The following NAT9 variants were observed in gnomAD, a reference collection of about 807,000 sequenced individuals.
The protein encoded by NAT9 is N-acetyltransferase 9, also known as alpha/beta-tubulin-N-acetyltransferase 9.
A neutral mutation model predicts 24.0 loss-of-function variants in NAT9; 18 were observed. That is an observed-to-expected ratio of 0.75 (90% CI 0.52 to 1.11). The LOEUF (loss-of-function observed/expected upper bound fraction) is 1.11. Among genes scored for constraint, NAT9 ranks in the 50% most tolerant of loss-of-function variants. NAT9 has a pLI of 0.00. For synonymous variants in NAT9, 104 were observed against 102.3 expected, an observed-to-expected ratio of 1.02 and a Z score of -0.10; for missense variants, 254 against 258.6, an observed-to-expected ratio of 0.98 and a Z score of 0.12.
rs2035207131 is a variant in NAT9, at chr17:74,771,592, G to C, written c.*132C>G. The stretch of plus-strand genomic sequence containing the variant: ...AGGGAGGCCACAGCAAGCCCCGCCA[G>C]AGTCTGAAGGGCCTCGAAAGGTGAT... On this transcript the variant is annotated 3_prime_UTR_variant, in exon 7 of 7. Transcript: ENST00000357814. 4.3e-6 allele frequency: 6 copies of C among 1,390,940 alleles called. No individual in the cohort carries two copies. The highest frequency in any genetic ancestry group is 2.9e-5 in the African/African-American group (2 of 69,698). 86.2% of individuals were successfully genotyped at this position (1,390,940 alleles called of 1,614,324 possible). A position where few individuals can be genotyped will look rare whatever the true frequency, so the allele number is the denominator to read the frequency against.
chr17:74,775,808 C>A, intron 1 of NAT9, 101 bp from the exon 2 acceptor site: 1 of 857,376 alleles, frequency 1.2e-6, no homozygotes, highest in South Asian at 1.5e-5. Flanking sequence ...TGACTTCCGT[C>A]ATTAGTTCCG....
chr17:74,774,901 G>A (rs544961056), intron 2 of NAT9, among the ~76,000 whole-genome samples: 7 of 151,082 alleles, frequency 4.6e-5, no homozygotes, highest in African/African-American at 1.5e-4. Flanking sequence ...TGTTGCCCAG[G>A]CTGGAGTACA....
rs559607717 is a variant in NAT9 at position 74,770,588 on chromosome 17, G to C, written c.*1136C>G. On this transcript the variant is annotated 3_prime_UTR_variant, in exon 7 of 7. Transcript: ENST00000357814. ...TGTTTTATACTGAGGCATGTTTTCG[G>C]TTCCAGTTGTTCACATGCAGTCTGC... 8.5e-5 allele frequency: 13 copies of C among 152,344 alleles called. No individual in the cohort carries two copies. The highest frequency in any genetic ancestry group is 5.9e-4 in the Admixed American group (9 of 15,302). The allele number at this position is 152,344 out of a possible 1,614,324, so 9.4% of individuals were successfully genotyped here.
chr17:74,773,338 C>T (rs1279147911), intron 3 of NAT9: 4 of 592,476 alleles, frequency 6.8e-6, no homozygotes, highest in Non-Finnish European at 1.2e-5. Flanking sequence ...GCCAGAGCCC[C>T]AAATGCTCTA....
chr17:74,771,349 G>A lies in NAT9; in HGVS notation c.*375C>T. The A allele has an allele frequency of 3.8e-6, 1 of 265,282 alleles. No homozygotes were observed. The highest frequency in any genetic ancestry group is 5.9e-5 in the South Asian group (1 of 16,908). 16.4% of individuals were successfully genotyped at this position (265,282 alleles called of 1,614,324 possible). A position where few individuals can be genotyped will look rare whatever the true frequency, so the allele number is the denominator to read the frequency against. On this transcript the variant is annotated 3_prime_UTR_variant, in exon 7 of 7. Transcript: ENST00000357814. ...GGTAGTGCCTGGAGCTTCACTCCCA[G>A]CCAGGGCAGCACCTCTGGCCTCTAA...
In NAT9 at chr17:74,773,655, C is replaced by A; in HGVS notation, c.111G>T (p.Leu37=). 6.2e-7 allele frequency: 1 copy of A among 1,614,120 alleles called. No homozygotes were observed. The highest frequency in any genetic ancestry group is 8.5e-7 in the Non-Finnish European group (1 of 1,179,984). ...GCGGCTCCGAGGCTGTCAAACGCTG[C>A]AGCTCCTCTGATTTCATCCACTCGT... The part of the protein sequence containing the change: ...RYHEWMKSEE[L]QRLTASEPLT... Residue 37 remains leucine (L), a synonymous_variant, in exon 3 of 7, where the codon CTG becomes CTT. Transcript: ENST00000357814.
rs555556955 is a variant in NAT9, at chr17:74,772,240, G to A, written c.372C>T (p.Ala124=). ...TACCGTAAGACAGCATCGCGAGAAC[G>A]GCCTCAGTGCCAAGGCCCTTACCCC... ...SCRGKGLGTE[A]VLAMLSYGVT... The change falls in exon 5 of 7, where the codon GCC becomes GCT. Residue 124 remains alanine (A), a synonymous_variant. Coordinates refer to ENST00000357814, the MANE Select transcript of NAT9 (RefSeq NM_015654.5). 4.8e-5 allele frequency: 78 copies of A among 1,614,194 alleles called. No homozygotes were observed. The South Asian group carries it at 6.6e-4, about 14-fold the overall frequency.
At position 74,771,557 on chromosome 17, in the gene NAT9, C is replaced by T; in HGVS notation, c.*167G>A. Reference sequence around the variant, plus strand: ...GGCCCTGGAGTCTGCTCAGCCACACCACTAGCTGGAGGGAGGCCACAGCAA... The same window carrying T: ...GGCCCTGGAGTCTGCTCAGCCACACTACTAGCTGGAGGGAGGCCACAGCAA... On this transcript the variant is annotated 3_prime_UTR_variant, in exon 7 of 7. Transcript: ENST00000357814. 2 of 1,112,150 alleles carry T rather than the reference C, an allele frequency of 1.8e-6. No homozygotes were observed. Among genetic ancestry groups the T allele is most frequent in the Non-Finnish European group, 2.5e-6 (2 of 795,088 alleles). The allele number at this position is 1,112,150 out of a possible 1,614,324, so 68.9% of individuals were successfully genotyped here.
At chr17:74,773,810 G>A (rs531460312) in intron 2 of NAT9, 122 bp from the exon 3 acceptor site, 3 of 783,892 alleles carry the variant, frequency 3.8e-6, no homozygotes, top group Middle Eastern at 2.5e-4. Context: ...AAAGGGTTAT[G>A]ATTGCTCCTA....
At chr17:74,773,731 AG>A in intron 2 of NAT9, 43 bp from the exon 3 acceptor site, 1 of 1,544,888 alleles carries the variant, frequency 6.5e-7, no homozygotes, top group Non-Finnish European at 8.9e-7. Context: ...ACTCATTCAG[AG>A]GCATACGTCT....
chr17:74,773,771 AG>A (rs2035571250), intron 2 of NAT9, 83 bp from the exon 3 acceptor site: 9 of 1,196,192 alleles, frequency 7.5e-6, no homozygotes, highest in African/African-American at 1.5e-5. Flanking sequence ...AGAACCAGAC[AG>A]GGCTAACATA....
intron 4 of NAT9, chr17:74,772,630 C>T (rs557680508): frequency 4.0e-4 from 533 of 1,323,176 alleles, no homozygotes; most frequent in Non-Finnish European, 5.1e-4. Context: ...CCCAGCCCAC[C>T]CCAACTATGG....
chr17:74,772,274 G>A lies in NAT9; in HGVS notation c.338C>T (p.Pro113Leu), dbSNP rs751026899. 6.2e-7 allele frequency: 1 copy of A among 1,614,042 alleles called. No individual in the cohort carries two copies. Among genetic ancestry groups the A allele is most frequent in the Non-Finnish European group, 8.5e-7 (1 of 1,180,030 alleles). Residue 113 changes from proline (P) to leucine (L), a missense_variant, in exon 5 of 7, where the codon CCC (proline) becomes CTC (leucine). Transcript: ENST00000357814. The part of the protein sequence containing the change: ...LGEIEVMIAE[P>L]SCRGKGLGTE... ...GCCAAGGCCCTTACCCCTGCAGCTG[G>A]GCTCTAGGAGAGACAACAGGAGCGG...
chr17:74,772,605 C>A, intron 4 of NAT9: 1 of 1,392,950 alleles, frequency 7.2e-7, no homozygotes, highest in Non-Finnish European at 9.3e-7. Flanking sequence ...CTCCAGAGAC[C>A]TTTTTCTGAG....
At chr17:74,773,918 C>G (rs900153112) in intron 2 of NAT9, 2 of 481,492 alleles carry the variant, frequency 4.2e-6, no homozygotes, top group Non-Finnish European at 7.7e-6. Flanking sequence ...TATCCTGTCT[C>G]GGGTCAGTGC....
At position 74,771,758 on chromosome 17, in the gene NAT9, T is replaced by C. The variant is rs2035226557; in HGVS notation, c.590A>G (p.Lys197Arg). 1 of 1,613,916 alleles carries C rather than the reference T, an allele frequency of 6.2e-7. No homozygotes were observed. The highest frequency in any genetic ancestry group is 1.7e-5 in the Admixed American group (1 of 60,004). The change falls in exon 7 of 7, where the codon AAG becomes AGG. Residue 197 changes from lysine to arginine, a missense_variant. Lys to Arg is a conservative substitution (Grantham distance 26). Transcript: ENST00000357814. ...CTCTGCCGACCCATCTCTGTAAGGC[T>C]TCTCTTCCACGTGGCTGGTCTGCTC... ...LLEQTSHVEE[K>R]PYRDGSAEPC
In NAT9 at chr17:74,771,787, A is replaced by G. The variant is rs2035231637; in HGVS notation, c.561T>C (p.Leu187=). The G allele has an allele frequency of 1.2e-6, 2 of 1,614,168 alleles. No individual in the cohort carries two copies. Among genetic ancestry groups the G allele is most frequent in the Non-Finnish European group, 1.7e-6 (2 of 1,180,040 alleles). Residue 187 remains leucine, a synonymous_variant, in exon 7 of 7, where the codon CTT becomes CTC. Coordinates refer to ENST00000357814, the MANE Select transcript of NAT9 (RefSeq NM_015654.5). The part of the protein sequence containing the change: ...LTVSESEHQW[L]LEQTSHVEEK... ...CTTCCACGTGGCTGGTCTGCTCCAG[A>G]AGCCACTGATGCTCGGACTCACTCA...
chr17:74,773,774 G>A, intron 2 of NAT9, 86 bp from the exon 3 acceptor site: 2 of 1,139,436 alleles, frequency 1.8e-6, no homozygotes, highest in South Asian at 1.2e-5. Flanking sequence ...ACCAGACAGG[G>A]CTAACATAGG....
At chr17:74,773,817 C>T (rs2035577300) in intron 2 of NAT9, 129 bp from the exon 3 acceptor site, 1 of 728,436 alleles carries the variant, frequency 1.4e-6, no homozygotes, top group Non-Finnish European at 2.3e-6. Context: ...TATGATTGCT[C>T]CTAAGGCAGG....
Sources: gnomAD v4.1 joint callset for allele counts (sites outside exome capture counted in the v4.1 genomes callset) on GRCh38, gnomAD v4.1.1 for gene constraint, MANE v1.5 for transcripts, NCBI Gene and HGNC (gene_info 2026-07-23, HGNC 2026-07-21) for gene names.